The following MIS18BP1 variants were observed in gnomAD, a reference collection of about 807,000 sequenced individuals.
MIS18BP1 encodes mis18-binding protein 1.
In MIS18BP1, 72 loss-of-function variants were observed where a neutral mutation model predicts 116.1. The ratio of observed to expected loss-of-function variants is 0.62; its 90% CI spans 0.51 to 0.75. The LOEUF is 0.75. Ranked by LOEUF, MIS18BP1 falls within the 30% of genes least tolerant of loss-of-function variation. The pLI is 0.00. For missense variants in MIS18BP1, 1,363 were observed against 1,303.2 expected (o/e 1.05, Z -0.71); for synonymous variants, 386 against 427.0 (o/e 0.90, Z 1.18).
At chr14:45,232,416 CAAAAAA>C in intron 7 of MIS18BP1, 7 of 86,668 alleles carry the variant, frequency 8.1e-5, no homozygotes, top group African/African-American at 1.0e-4. Context: ...GATTCCATCT[CAAAAAA>C]AAAAAAAAAA....
Position 45,234,694 on chromosome 14 carries a change from A to T in MIS18BP1, c.1348+1120T>A, listed in dbSNP as rs530088085. Among the ~76,000 whole-genome samples the T allele has an allele frequency of 2.0e-5, 3 of 152,234 alleles. 1 individual carries two copies. In the East Asian group the frequency reaches 5.8e-4, roughly 29 times the overall value. ...GTAGGATACCAAGCAGCACCAAGAA[A>T]CCACTAAGGGACTGTAACTTGTTGC... On this transcript the variant is annotated intron_variant, in intron 6 of 16. Coordinates refer to ENST00000310806, the MANE Select transcript of MIS18BP1 (RefSeq NM_018353.5).
In MIS18BP1 at chr14:45,203,645, A is replaced by C. The variant is rs1036787284; in HGVS notation, c.*464T>G. 3.9e-5 allele frequency: 6 copies of C among 152,390 alleles called. No individual in the cohort carries two copies. Among genetic ancestry groups the C allele is most frequent in the African/African-American group, 1.4e-4 (6 of 41,470 alleles). 9.4% of individuals were successfully genotyped at this position (152,390 alleles called of 1,614,324 possible). ...ATTTAAACATTAGGTTTGGATAACA[A>C]CTGGTAACAAATCCTACTCTGGCTT... On this transcript the variant is annotated 3_prime_UTR_variant, in exon 17 of 17. Coordinates refer to ENST00000310806, the MANE Select transcript of MIS18BP1 (RefSeq NM_018353.5).
At chr14:45,241,894 T>C in intron 4 of MIS18BP1, 140 bp downstream of exon 4, 1 of 906,926 alleles carries the variant, frequency 1.1e-6, no homozygotes, top group South Asian at 1.7e-5. Flanking sequence ...TAAAACATGA[T>C]AATGAAGACA....
At chr14:45,227,901 G>A (rs1366030866) in intron 8 of MIS18BP1, 87 bp from the exon 9 acceptor site, 2 of 1,366,342 alleles carry the variant, frequency 1.5e-6, no homozygotes, top group East Asian at 4.6e-5. Context: ...TTGACGCTAG[G>A]TGTGGTGGCT....
At chr14:45,237,251 T>A (rs1891455218) in intron 5 of MIS18BP1, among the ~76,000 whole-genome samples, 1 of 152,192 alleles carries the variant, frequency 6.6e-6, no homozygotes, top group Admixed American at 6.5e-5. Context: ...AAGTTTTAAG[T>A]AATTTTGATT....
In MIS18BP1 at chr14:45,216,172, G is replaced by A. The variant is rs558938012; in HGVS notation, c.3003+847C>T. On this transcript the variant is annotated intron_variant, in intron 13 of 16. Transcript: ENST00000310806. ...AAGATAAAACTGCAATAAGTATCTT[G>A]CAAAGATTTTGGGCTTTTGGATTTC... Among the ~76,000 whole-genome samples, 18 of 152,198 alleles carry A rather than the reference G, an allele frequency of 1.2e-4. No homozygotes were observed. In the South Asian group the frequency reaches 2.3e-3, roughly 19 times the overall value.
intron 13 of MIS18BP1, 89 bp from the exon 14 acceptor site, chr14:45,210,617 G>T (rs563497346): frequency 2.7e-6 from 4 of 1,490,672 alleles, no homozygotes; most frequent in South Asian, 2.3e-5. Flanking sequence ...TGATAAGTTG[G>T]TTCTTCTTGT....
intron 13 of MIS18BP1, among the ~76,000 whole-genome samples, chr14:45,211,090 C>T (rs537631874): frequency 6.6e-6 from 1 of 152,194 alleles, no homozygotes; most frequent in Non-Finnish European, 1.5e-5. Context: ...AGATAAACTA[C>T]ATGTGTTTCC....
intron 11 of MIS18BP1, among the ~76,000 whole-genome samples, chr14:45,219,731 ATAAT>A (rs1381563334): frequency 6.6e-5 from 10 of 152,350 alleles, no homozygotes; most frequent in Admixed American, 3.9e-4. Flanking sequence ...ATTCTTTTAC[ATAAT>A]TAATCATTCC....
At chr14:45,221,346 A>G (rs1044235401) in intron 11 of MIS18BP1, among the ~76,000 whole-genome samples, 3 of 152,120 alleles carry the variant, frequency 2.0e-5, no homozygotes, top group Non-Finnish European at 4.4e-5. Context: ...CTGAGGCAGG[A>G]GAATGGTGTG....
chr14:45,231,353 C>CA (rs549492998), intron 7 of MIS18BP1, 55 bp from the exon 8 acceptor site: 37 of 1,426,888 alleles, frequency 2.6e-5, no homozygotes, highest in East Asian at 1.4e-4. Context: ...AAAAACAAAA[C>CA]AAAAAAAATC....
intron 1 of MIS18BP1, among the ~76,000 whole-genome samples, chr14:45,250,747 T>C (rs1852468329): frequency 6.6e-6 from 1 of 152,198 alleles, no homozygotes; most frequent in South Asian, 2.1e-4. Flanking sequence ...CCAGGCCGCG[T>C]GCGGTGGCTC....
chr14:45,231,772 C>G (rs1891284057), intron 7 of MIS18BP1, among the ~76,000 whole-genome samples: 1 of 152,154 alleles, frequency 6.6e-6, no homozygotes, highest in Admixed American at 6.5e-5. Flanking sequence ...CTGCCAGCCC[C>G]CGTTACCAGT....
Position 45,217,009 on chromosome 14 carries a change from T to G in MIS18BP1, c.3003+10A>C, listed in dbSNP as rs1316151216. On this transcript the variant is annotated intron_variant, in intron 13 of 16. Transcript: ENST00000310806. ...ACAGATAAGGAAAACAATGATTTCA[T>G]GCCTCTTACCAGTATTCTTTGATGC... The G allele has an allele frequency of 6.2e-7, 1 of 1,611,226 alleles. No homozygotes were observed. The highest frequency in any genetic ancestry group is 1.3e-5 in the African/African-American group (1 of 74,748).
chr14:45,231,730 TCTTTACAGAATATGCC>T (rs921855239), intron 7 of MIS18BP1, among the ~76,000 whole-genome samples: 1 of 152,234 alleles, frequency 6.6e-6, no homozygotes, highest in South Asian at 2.1e-4. Flanking sequence ...AAGAATATTA[TCTTTACAGAATATGCC>T]CTTTACAGAA....
chr14:45,242,160 T>C lies in MIS18BP1; in HGVS notation c.1017A>G (p.Thr339=), dbSNP rs1566820375. Residue 339 remains threonine (T), a synonymous_variant, in exon 4 of 17, where the codon ACA becomes ACG. Transcript: ENST00000310806. The part of the protein sequence containing the change: ...ETGLPGSMKD[T]CKIVLATPRL... ...TTGGTGTTGCAAGTACAATTTTACA[T>C]GTATCTTTCATGGAACCTGGAAGAC... The C allele has an allele frequency of 6.2e-7, 1 of 1,614,144 alleles. No individual in the cohort carries two copies. Among genetic ancestry groups the C allele is most frequent in the Non-Finnish European group, 8.5e-7 (1 of 1,180,000 alleles).
At chr14:45,232,885 A>T (rs1891328267) in intron 6 of MIS18BP1, 65 bp from the exon 7 acceptor site, 1 of 742,704 alleles carries the variant, frequency 1.3e-6, no homozygotes, top group Non-Finnish European at 2.3e-6. Flanking sequence ...GATATCATTA[A>T]TTCATTACAT....
chr14:45,239,605 T>G (rs968225406), intron 4 of MIS18BP1, among the ~76,000 whole-genome samples: 2 of 152,210 alleles, frequency 1.3e-5, no homozygotes, highest in African/African-American at 4.8e-5. Context: ...TAGTGTTTTC[T>G]ATTGAGATGA....
intron 13 of MIS18BP1, among the ~76,000 whole-genome samples, chr14:45,215,626 TG>T (rs1441062353): frequency 6.6e-6 from 1 of 152,008 alleles, no homozygotes; most frequent in African/African-American, 2.4e-5. Flanking sequence ...TTGGCCAGAA[TG>T]GTCTCGATCT....
Sources: gnomAD v4.1 joint callset for allele counts (sites outside exome capture counted in the v4.1 genomes callset) on GRCh38, gnomAD v4.1.1 for gene constraint, MANE v1.5 for transcripts, NCBI Gene and HGNC (gene_info 2026-07-23, HGNC 2026-07-21) for gene names.